The following KCNN2 variants were observed in gnomAD, a reference collection of about 807,000 sequenced individuals.
KCNN2 encodes potassium calcium-activated channel subfamily N member 2, also known as small conductance calcium-activated potassium channel protein 2.
In KCNN2, 24 loss-of-function variants were observed where a neutral mutation model predicts 55.5. The observed-to-expected ratio is 0.43, with a 90% CI of 0.31 to 0.61. The LOEUF (loss-of-function observed/expected upper bound fraction) is 0.61. Ranked by LOEUF, KCNN2 falls within the 20% of genes least tolerant of loss-of-function variation. KCNN2 has a pLI of 0.08. For missense variants in KCNN2, 754 were observed against 853.6 expected (o/e 0.88, Z 1.45); for synonymous variants, 431 against 336.1 (o/e 1.28, Z -3.09).
chr5:114,335,237 G>C (rs1756900130), intron 2 of KCNN2, among the ~76,000 whole-genome samples: 1 of 151,980 alleles, frequency 6.6e-6, no homozygotes, highest in Admixed American at 6.6e-5. Flanking sequence ...TATGACCACT[G>C]GGGACTCAGA....
chr5:114,274,598 T>C (rs1358360253), intron 2 of KCNN2, among the ~76,000 whole-genome samples: 1 of 152,194 alleles, frequency 6.6e-6, no homozygotes, highest in Non-Finnish European at 1.5e-5. Flanking sequence ...TTCGTAGCAA[T>C]TGTGAATGGG....
At position 114,123,351 on chromosome 5, in the gene KCNN2, ATTTTTTT is replaced by A. The variant is rs1172994171; in HGVS notation, c.-271+66874_-271+66880del. On this transcript the variant is annotated intron_variant, in intron 1 of 10. Transcript: ENST00000512097. The stretch of plus-strand genomic sequence containing the variant: ...ATACTGTAAGAGGTACATTTTCTTA[ATTTTTTT>A]TTTTTTTTTTTTTTTTTTTTTTGAG... Among the ~76,000 whole-genome samples, 16 of 65,014 alleles carry A rather than the reference ATTTTTTT, an allele frequency of 2.5e-4. 1 individual carries two copies. Among genetic ancestry groups the A allele is most frequent in the South Asian group, 1.5e-3 (3 of 2,030 alleles). 42.7% of individuals were successfully genotyped at this position (65,014 alleles called of 152,430 possible). A position where few individuals can be genotyped will look rare whatever the true frequency, so the allele number is the denominator to read the frequency against.
intron 1 of KCNN2, among the ~76,000 whole-genome samples, chr5:114,120,972 C>G (rs1005529032): frequency 6.6e-6 from 1 of 152,186 alleles, no homozygotes; most frequent in Non-Finnish European, 1.5e-5. Context: ...GGCCTCTGCC[C>G]CAGGCCTTAT....
intron 3 of KCNN2, among the ~76,000 whole-genome samples, chr5:114,461,014 A>G (rs538443292): frequency 6.6e-6 from 1 of 152,220 alleles, no homozygotes; most frequent in South Asian, 2.1e-4. Flanking sequence ...CTTACTAGAG[A>G]GCCCCAATAT....
At chr5:114,250,317 C>A in intron 2 of KCNN2, among the ~76,000 whole-genome samples, 1 of 152,128 alleles carries the variant, frequency 6.6e-6, no homozygotes, top group East Asian at 1.9e-4. Flanking sequence ...AACTGGGGAA[C>A]TTGACAGAGC....
chr5:114,358,118 A>C (rs1393897063), upstream of KCNN2, among the ~76,000 whole-genome samples: 1 of 151,994 alleles, frequency 6.6e-6, no homozygotes, highest in Non-Finnish European at 1.5e-5. Context: ...GCCAAAAAAC[A>C]CATGACTAAA....
intron 3 of KCNN2, among the ~76,000 whole-genome samples, chr5:114,462,606 C>T (rs767127105): frequency 6.6e-5 from 10 of 152,112 alleles, no homozygotes; most frequent in South Asian, 2.1e-4. Flanking sequence ...GTTAGCCCAT[C>T]GTCAGGAAAT....
intron 1 of KCNN2, among the ~76,000 whole-genome samples, chr5:114,162,240 G>C (rs780100435): frequency 3.9e-5 from 6 of 152,192 alleles, no homozygotes; most frequent in Non-Finnish European, 5.9e-5. Flanking sequence ...CTCAGCTGCA[G>C]GTCTGTTGGA....
intron 2 of KCNN2, among the ~76,000 whole-genome samples, chr5:114,346,162 G>A (rs920131886): frequency 6.6e-6 from 1 of 152,164 alleles, no homozygotes; most frequent in Non-Finnish European, 1.5e-5. Context: ...TGGGGTTGGG[G>A]AGCATAAACT....
At chr5:114,060,594 A>T (rs568393647) in intron 1 of KCNN2, among the ~76,000 whole-genome samples, 1 of 152,302 alleles carries the variant, frequency 6.6e-6, no homozygotes, top group East Asian at 1.9e-4. Flanking sequence ...TGAGTATGGC[A>T]TTGCTTAACA....
chr5:114,486,744 C>G, intron 5 of KCNN2: 7 of 1,296,984 alleles, frequency 5.4e-6, no homozygotes, highest in Non-Finnish European at 7.0e-6. Flanking sequence ...CGGTGGAGAA[C>G]TCAACACCCC....
intron 2 of KCNN2, among the ~76,000 whole-genome samples, chr5:114,305,644 C>G (rs1282012870): frequency 2.0e-5 from 3 of 152,230 alleles, no homozygotes; most frequent in African/African-American, 7.2e-5. Context: ...GGGGGTGCTG[C>G]TATGGCAAGG....
At chr5:114,155,567 A>C (rs1752614206) in intron 1 of KCNN2, among the ~76,000 whole-genome samples, 1 of 152,066 alleles carries the variant, frequency 6.6e-6, no homozygotes, top group Non-Finnish European at 1.5e-5. Context: ...TTGATTTTTT[A>C]ATAGTAGTCA....
Position 114,128,491 on chromosome 5 carries a change from T to A in KCNN2, c.-271+71991T>A, listed in dbSNP as rs943239437. ...AGTCTCTCGCATGACATGTGGGGAT[T>A]ATGGGAACTACAATTCAAGATGAAA... On this transcript the variant is annotated intron_variant, in intron 1 of 10. Transcript: ENST00000512097. Among the ~76,000 whole-genome samples the A allele has an allele frequency of 6.6e-5, 10 of 152,150 alleles. No individual in the cohort carries two copies. The East Asian group carries it at 1.9e-3, about 29-fold the overall frequency.
chr5:114,425,794 T>C (rs966146694), intron 3 of KCNN2, among the ~76,000 whole-genome samples: 1 of 152,162 alleles, frequency 6.6e-6, no homozygotes, highest in Admixed American at 6.5e-5. Flanking sequence ...TTGTCAAGCA[T>C]TTCTCCTGTA....
intron 2 of KCNN2, among the ~76,000 whole-genome samples, chr5:114,370,724 C>T (rs983484284): frequency 6.6e-6 from 1 of 151,878 alleles, no homozygotes; most frequent in African/African-American, 2.4e-5. Context: ...TAGCATAGGC[C>T]AAGCAGGAGC....
chr5:114,306,700 C>CTTT (rs1245549186), intron 2 of KCNN2, among the ~76,000 whole-genome samples: 12 of 115,516 alleles, frequency 1.0e-4, no homozygotes, highest in Non-Finnish European at 1.4e-4. Flanking sequence ...TTTTTTTTTT[C>CTTT]TTTTTTTTTT....
intron 1 of KCNN2, among the ~76,000 whole-genome samples, chr5:114,216,972 A>G (rs1197080235): frequency 6.6e-6 from 1 of 152,172 alleles, no homozygotes; most frequent in Non-Finnish European, 1.5e-5. Flanking sequence ...CCAGCAATGA[A>G]CATGTGGAAT....
chr5:114,462,959 A>G, intron 3 of KCNN2, 90 bp from the exon 4 acceptor site: 1 of 1,211,972 alleles, frequency 8.3e-7, no homozygotes, highest in Non-Finnish European at 1.2e-6. Context: ...TATAGAAGAT[A>G]CAGTAAATTC....
Sources: allele counts gnomAD v4.1 joint callset (sites outside exome capture counted in the v4.1 genomes callset), GRCh38; gene constraint gnomAD v4.1.1; transcripts MANE v1.5; gene names NCBI Gene and HGNC (gene_info 2026-07-23, HGNC 2026-07-21).